Variants in DIP2B observed in about 807,000 individuals in gnomAD.
DIP2B encodes the protein DIP2 acetate--CoA ligase B (putative), also known as disco-interacting protein 2 homolog B.
A neutral mutation model predicts 198.0 loss-of-function variants in DIP2B; 76 were observed. The ratio of observed to expected loss-of-function variants is 0.38; its 90% CI spans 0.32 to 0.46. DIP2B has a LOEUF of 0.46. DIP2B is among the 20% of genes least tolerant of loss of function. The pLI is 0.99. For synonymous variants in DIP2B, 701 were observed against 739.1 expected (o/e 0.95, Z 0.84); for missense variants, 1,559 against 1,978.4 (o/e 0.79, Z 4.02).
chr12:50,720,153 C>T (rs1174078619), intron 25 of DIP2B, among the ~76,000 whole-genome samples: 2 of 151,908 alleles, frequency 1.3e-5, no homozygotes, highest in Non-Finnish European at 2.9e-5. Context: ...TGGTCTCGAA[C>T]TCCTGACCTC....
At position 50,674,603 on chromosome 12, in the gene DIP2B, G is replaced by A; in HGVS notation, c.770G>A (p.Arg257Lys). 6.2e-7 allele frequency: 1 copy of A among 1,614,174 alleles called. No homozygotes were observed. The highest frequency in any genetic ancestry group is 1.1e-5 in the South Asian group (1 of 91,082). Residue 257 changes from arginine to lysine, a missense_variant, in exon 6 of 38, where the codon AGG becomes AAG. Physicochemically the swap from Arg to Lys is conservative, Grantham distance 26. Coordinates refer to ENST00000301180, the MANE Select transcript of DIP2B (RefSeq NM_173602.3). ...IVKGMHKGSN[R>K]SSLMDTADGV... ...AAAGGCATGCACAAAGGATCCAACA[G>A]GTCCAGCCTTATGGATACAGCTGAT...
intron 4 of DIP2B, among the ~76,000 whole-genome samples, chr12:50,664,688 T>C (rs1284190183): frequency 6.6e-6 from 1 of 152,056 alleles, no homozygotes; most frequent in African/African-American, 2.4e-5. Flanking sequence ...GATGACCAAA[T>C]AGACCACATA....
At chr12:50,652,465 G>A (rs946629866) in intron 3 of DIP2B, among the ~76,000 whole-genome samples, 1 of 151,906 alleles carries the variant, frequency 6.6e-6, no homozygotes, top group Non-Finnish European at 1.5e-5. Flanking sequence ...TGAACCAGGA[G>A]GCAGAGGTTG....
chr12:50,739,729 TC>T (rs1940206653), intron 36 of DIP2B, 143 bp downstream of exon 36: 1 of 1,045,590 alleles, frequency 9.6e-7, no homozygotes, highest in Non-Finnish European at 1.4e-6. Context: ...GACTCTCTCT[TC>T]ATTTGGAGTC....
chr12:50,646,062 A>G (rs1173794727), intron 3 of DIP2B, among the ~76,000 whole-genome samples: 1 of 152,032 alleles, frequency 6.6e-6, no homozygotes, highest in African/African-American at 2.4e-5. Flanking sequence ...ATTTATGTGT[A>G]TTGTAAATTT....
chr12:50,625,033 C>T (rs2139468365), intron 1 of DIP2B, among the ~76,000 whole-genome samples: 1 of 152,254 alleles, frequency 6.6e-6, no homozygotes, highest in African/African-American at 2.4e-5. Flanking sequence ...ACTTTTAATA[C>T]TACAATTTGA....
intron 1 of DIP2B, among the ~76,000 whole-genome samples, chr12:50,552,391 C>T (rs1038386036): frequency 6.6e-6 from 1 of 151,824 alleles, no homozygotes; most frequent in African/African-American, 2.4e-5. Flanking sequence ...CTCAGCCTCC[C>T]GAGTAGCTGG....
intron 1 of DIP2B, among the ~76,000 whole-genome samples, chr12:50,617,526 G>A (rs1937722287): frequency 6.6e-6 from 1 of 151,912 alleles, no homozygotes; most frequent in African/African-American, 2.4e-5. Flanking sequence ...AAGATGAAAG[G>A]GGTCAGGGGC....
chr12:50,637,602 A>G lies in DIP2B; in HGVS notation c.173-3122A>G, dbSNP rs1280353233. Among the ~76,000 whole-genome samples the G allele has an allele frequency of 2.0e-5, 3 of 152,294 alleles. No individual in the cohort carries two copies. The East Asian group carries it at 5.8e-4, about 29-fold the overall frequency. ...CTTTTCCTCCTTAGCATGTATCACA[A>G]GGTCAAAGGTATACATATGGTGACC... On this transcript the variant is annotated intron_variant, in intron 2 of 37. Coordinates refer to ENST00000301180, the MANE Select transcript of DIP2B (RefSeq NM_173602.3).
intron 16 of DIP2B, 98 bp downstream of exon 16, chr12:50,696,065 T>G (rs1422484448): frequency 1.4e-5 from 22 of 1,531,396 alleles, no homozygotes; most frequent in African/African-American, 5.5e-5. Flanking sequence ...ACTGAAAAAC[T>G]CACTCATTTA....
chr12:50,572,445 G>A (rs1170291894), intron 1 of DIP2B, among the ~76,000 whole-genome samples: 2 of 152,166 alleles, frequency 1.3e-5, no homozygotes, highest in African/African-American at 4.8e-5. Context: ...TAAACTTATG[G>A]CATGCTGGAT....
chr12:50,555,156 T>G (rs1332979703), intron 1 of DIP2B, among the ~76,000 whole-genome samples: 1 of 152,146 alleles, frequency 6.6e-6, no homozygotes, highest in African/African-American at 2.4e-5. Flanking sequence ...GACCCTCTGT[T>G]TGCCCTTCTA....
At chr12:50,620,777 CAG>C (rs1937796607) in intron 1 of DIP2B, among the ~76,000 whole-genome samples, 1 of 152,194 alleles carries the variant, frequency 6.6e-6, no homozygotes, top group African/African-American at 2.4e-5. Context: ...TGGTGTGACT[CAG>C]TGTCTGAGCT....
rs764064387 is a variant in DIP2B, at chr12:50,626,014, A to G, written c.139A>G (p.Lys47Glu). Residue 47 changes from lysine to glutamate, a missense_variant, in exon 2 of 38, where the codon AAA becomes GAA. Physicochemically the swap from Lys to Glu is moderately conservative, Grantham distance 56. Coordinates refer to ENST00000301180, the MANE Select transcript of DIP2B (RefSeq NM_173602.3). ...TQKGYEKKRS[K>E]LLSPYSPQTQ... ...GAAGGGCTATGAAAAGAAAAGGTCC[A>G]AACTCCTATCTCCTTACAGCCCGCA... 6.2e-7 allele frequency: 1 copy of G among 1,614,188 alleles called. No homozygotes were observed. The highest frequency in any genetic ancestry group is 8.5e-7 in the Non-Finnish European group (1 of 1,180,012).
chr12:50,515,962 C>T (rs959890204), intron 1 of DIP2B, among the ~76,000 whole-genome samples: 2 of 152,136 alleles, frequency 1.3e-5, no homozygotes, highest in Non-Finnish European at 2.9e-5. Context: ...GACAAAATAC[C>T]TTAGACTTGG....
chr12:50,669,725 C>T (rs1938816862), intron 4 of DIP2B, among the ~76,000 whole-genome samples: 1 of 152,144 alleles, frequency 6.6e-6, no homozygotes, highest in Admixed American at 6.5e-5. Context: ...GCATCCGGCC[C>T]ATTATTTTAA....
rs751768524 is a variant in DIP2B, at chr12:50,731,359, T to C, written c.3642-10T>C. The C allele has an allele frequency of 6.2e-7, 1 of 1,611,018 alleles. No homozygotes were observed. Among genetic ancestry groups the C allele is most frequent in the South Asian group, 1.1e-5 (1 of 90,758 alleles). On this transcript the variant is annotated splice_polypyrimidine_tract_variant and intron_variant, in intron 30 of 37. Transcript: ENST00000301180. ...ATTGATGATTCCAGCTCTTGTCTCT[T>C]TCACTGCAGTGTCTATTCAGGCCAC...
chr12:50,630,081 CTGAGACTACAGGCA>C (rs2139474838), intron 2 of DIP2B, among the ~76,000 whole-genome samples: 1 of 151,946 alleles, frequency 6.6e-6, no homozygotes, highest in Non-Finnish European at 1.5e-5. Flanking sequence ...TCCCAAGTAG[CTGAGACTACAGGCA>C]TGTGCCACCA....
intron 1 of DIP2B, among the ~76,000 whole-genome samples, chr12:50,558,918 C>G (rs1565824109): frequency 6.6e-6 from 1 of 152,170 alleles, no homozygotes; most frequent in Non-Finnish European, 1.5e-5. Context: ...CAGAGCCTCC[C>G]TCTTCTTCTA....
Sources: allele counts gnomAD v4.1 joint callset (sites outside exome capture counted in the v4.1 genomes callset), GRCh38; gene constraint gnomAD v4.1.1; transcripts MANE v1.5; gene names NCBI Gene and HGNC (gene_info 2026-07-23, HGNC 2026-07-21).